TCF12: variants seen among roughly 807,000 people sequenced by gnomAD.
TCF12 encodes transcription factor 12.
A neutral mutation model predicts 86.0 loss-of-function variants in TCF12; 45 were observed. That is an observed-to-expected ratio of 0.52 (90% CI 0.41 to 0.67). TCF12 has a LOEUF of 0.67. Ranked by LOEUF, TCF12 falls within the 30% of genes least tolerant of loss-of-function variation. The pLI, the probability that TCF12 is intolerant of heterozygous loss-of-function variation, is 0.00. For synonymous variants in TCF12, 330 were observed against 299.6 expected (o/e 1.10, Z -1.05); for missense variants, 881 against 859.9 (o/e 1.02, Z -0.31).
At chr15:56,926,101 C>T (rs1282377783) in intron 3 of TCF12, among the ~76,000 whole-genome samples, 2 of 152,078 alleles carry the variant, frequency 1.3e-5, no homozygotes, top group African/African-American at 2.4e-5. Flanking sequence ...CACTTGAGGC[C>T]AGGAGTTGGA....
intron 3 of TCF12, among the ~76,000 whole-genome samples, chr15:56,997,016 A>G (rs138725637): frequency 3.2e-4 from 48 of 152,302 alleles, no homozygotes; most frequent in African/African-American, 9.4e-4. Context: ...ACATAACACT[A>G]TTGGTGGGAG....
intron 3 of TCF12, among the ~76,000 whole-genome samples, chr15:56,963,860 C>T (rs751192749): frequency 3.9e-5 from 6 of 152,144 alleles, no homozygotes; most frequent in Non-Finnish European, 5.9e-5. Context: ...ATGTATGTAT[C>T]GTAACTTGGT....
intron 18 of TCF12, among the ~76,000 whole-genome samples, chr15:57,272,193 C>A (rs2061174327): frequency 6.6e-6 from 1 of 152,126 alleles, no homozygotes; most frequent in East Asian, 1.9e-4. Flanking sequence ...TATTAAATCC[C>A]AATATGTTGC....
chr15:57,141,331 C>T (rs2052945995), intron 5 of TCF12, among the ~76,000 whole-genome samples: 1 of 152,196 alleles, frequency 6.6e-6, no homozygotes, highest in South Asian at 2.1e-4. Context: ...CAGGCATTAA[C>T]TAACCATTCC....
intron 8 of TCF12, among the ~76,000 whole-genome samples, chr15:57,214,904 T>A (rs1161237072): frequency 1.3e-5 from 2 of 152,156 alleles, no homozygotes; most frequent in African/African-American, 4.8e-5. Flanking sequence ...ACTGATAGAC[T>A]GGGTTATCAG....
chr15:57,234,766 A>G (rs1385527125), intron 12 of TCF12, among the ~76,000 whole-genome samples: 1 of 152,252 alleles, frequency 6.6e-6, no homozygotes, highest in Admixed American at 6.5e-5. Flanking sequence ...AGCAGTTTTC[A>G]GTAAATCTAC....
chr15:57,022,054 TTATGTATG>T (rs529943161), intron 3 of TCF12, among the ~76,000 whole-genome samples: 321 of 152,108 alleles, frequency 2.1e-3, no homozygotes, highest in Non-Finnish European at 3.2e-3. Context: ...TTTCTTTTTT[TTATGTATG>T]TATGTATGTA....
At chr15:57,271,158 T>A (rs1384090577) in intron 18 of TCF12, among the ~76,000 whole-genome samples, 1 of 152,224 alleles carries the variant, frequency 6.6e-6, no homozygotes, top group Non-Finnish European at 1.5e-5. Context: ...TTTGTTCAGA[T>A]ACGCCCTGCC....
intron 4 of TCF12, among the ~76,000 whole-genome samples, chr15:57,086,992 A>C (rs1161618134): frequency 1.3e-5 from 2 of 151,740 alleles, no homozygotes; most frequent in African/African-American, 2.4e-5. Context: ...TTATATAAAT[A>C]ATACTAGGTG....
intron 3 of TCF12, among the ~76,000 whole-genome samples, chr15:56,982,580 C>T (rs1302879936): frequency 6.6e-6 from 1 of 152,124 alleles, no homozygotes; most frequent in Non-Finnish European, 1.5e-5. Context: ...AACTGTTGAA[C>T]ACATTGCTGC....
intron 6 of TCF12, among the ~76,000 whole-genome samples, chr15:57,186,468 C>T (rs534500667): frequency 3.0e-4 from 45 of 152,290 alleles, no homozygotes; most frequent in African/African-American, 1.1e-3. Flanking sequence ...CACTGCACTT[C>T]AGCCTGGGCA....
intron 3 of TCF12, among the ~76,000 whole-genome samples, chr15:56,984,782 G>T (rs188123737): frequency 3.3e-5 from 5 of 152,252 alleles, no homozygotes; most frequent in African/African-American, 7.2e-5. Flanking sequence ...TTAGGTAATG[G>T]TTTAAATTGG....
intron 3 of TCF12, among the ~76,000 whole-genome samples, chr15:56,956,787 A>T (rs1392194251): frequency 1.3e-5 from 2 of 151,526 alleles, no homozygotes; most frequent in Non-Finnish European, 2.9e-5. Context: ...CTTTTTTCTT[A>T]CTGCTTTTAA....
intron 3 of TCF12, among the ~76,000 whole-genome samples, chr15:57,019,857 G>A (rs774925144): frequency 1.3e-5 from 2 of 152,042 alleles, no homozygotes; most frequent in African/African-American, 4.8e-5. Flanking sequence ...TGCCCCTCCT[G>A]TAATTCTAAC....
chr15:56,918,295 T>C (rs1176237819), upstream of TCF12: 3 of 455,202 alleles, frequency 6.6e-6, no homozygotes, highest in Admixed American at 7.1e-5. Context: ...TCCACAGCTG[T>C]GTCTCCGTCG....
At chr15:56,957,306 T>C (rs1016109981) in intron 3 of TCF12, among the ~76,000 whole-genome samples, 1 of 152,224 alleles carries the variant, frequency 6.6e-6, no homozygotes, top group Non-Finnish European at 1.5e-5. Context: ...GTTTTTTATT[T>C]TTTAGATAAT....
Position 57,268,833 on chromosome 15 carries a change from CTT to C in TCF12, c.1746-4186_1746-4185del, listed in dbSNP as rs35111531. On this transcript the variant is annotated intron_variant, in intron 18 of 20. Transcript: ENST00000333725. ...ATTCAGAATTAACCACTGTTTACTT[CTT>C]TTTTTTTTTTCCTGAGAAGTTCTAA... 8.4e-3 allele frequency among the ~76,000 whole-genome samples: 1,237 copies of C among 147,948 alleles called. 16 individuals carry two copies. The highest frequency in any genetic ancestry group is 0.028 in the African/African-American group (1,119 of 40,462).
intron 4 of TCF12, chr15:57,072,768 T>C (rs2069515764): frequency 3.4e-6 from 4 of 1,176,526 alleles, no homozygotes; most frequent in Non-Finnish European, 4.4e-6. Flanking sequence ...TGTTTTGTTA[T>C]GTAACTGCTC....
intron 4 of TCF12, among the ~76,000 whole-genome samples, chr15:57,084,168 C>T (rs770301037): frequency 2.0e-4 from 30 of 152,154 alleles, no homozygotes; most frequent in South Asian, 4.2e-4. Context: ...AAAATATATA[C>T]GAGCAGTTAT....
Sources: allele counts gnomAD v4.1 joint callset (sites outside exome capture counted in the v4.1 genomes callset), GRCh38; gene constraint gnomAD v4.1.1; transcripts MANE v1.5; gene names NCBI Gene and HGNC (gene_info 2026-07-23, HGNC 2026-07-21).